DGKB: variants seen among roughly 807,000 people sequenced by gnomAD.
DGKB encodes the protein 90 kDa diacylglycerol kinase.
Under a neutral mutation model 114.3 loss-of-function variants are expected in DGKB, and 67 were observed. The observed-to-expected ratio is 0.59, with a 90% CI of 0.48 to 0.72. DGKB has a LOEUF of 0.72. DGKB is among the 30% of genes least tolerant of loss of function. The pLI, the probability that DGKB is intolerant of heterozygous loss-of-function variation, is 0.00. For synonymous variants in DGKB, 398 were observed against 323.1 expected (o/e 1.23, Z -2.49); for missense variants, 907 against 975.2 (o/e 0.93, Z 0.93).
intron 20 of DGKB, among the ~76,000 whole-genome samples, chr7:14,548,892 C>A (rs530024971): frequency 2.0e-5 from 3 of 151,212 alleles, no homozygotes; most frequent in East Asian, 3.9e-4. Context: ...ATTTCTTGGT[C>A]AGTAGTGGGG....
chr7:14,652,712 C>A (rs1384737527), intron 13 of DGKB, among the ~76,000 whole-genome samples: 3 of 150,252 alleles, frequency 2.0e-5, no homozygotes, highest in Non-Finnish European at 3.0e-5. Context: ...AGTGAACAGG[C>A]AACCTACAGA....
At position 14,611,973 on chromosome 7, in the gene DGKB, T is replaced by G. The variant is rs113819865; in HGVS notation, c.1358+1367A>C. 2.0e-5 allele frequency among the ~76,000 whole-genome samples: 3 copies of G among 151,806 alleles called. No homozygotes were observed. The South Asian group carries it at 6.2e-4, about 31-fold the overall frequency. On this transcript the variant is annotated intron_variant, in intron 16 of 25. Transcript: ENST00000402815. Reference sequence around the variant, plus strand: ...ACATATACAGCTAACTGACTGTAAATAGTAAAGAAGAAAGTAATTTCAGCA... The same window carrying G: ...ACATATACAGCTAACTGACTGTAAAGAGTAAAGAAGAAAGTAATTTCAGCA...
chr7:14,730,049 C>T lies in DGKB; in HGVS notation c.322+5992G>A, dbSNP rs534191754. Among the ~76,000 whole-genome samples the T allele has an allele frequency of 2.6e-5, 4 of 152,294 alleles. No homozygotes were observed. In the South Asian group the frequency reaches 6.2e-4, roughly 24 times the overall value. On this transcript the variant is annotated intron_variant, in intron 5 of 25. Transcript: ENST00000402815. ...ACGCTGACCTGCAACAAGTACCAGA[C>T]ATTTTCTATTACAGATGCAACATTT...
At chr7:14,548,380 C>A (rs1794625596) in intron 20 of DGKB, among the ~76,000 whole-genome samples, 1 of 152,168 alleles carries the variant, frequency 6.6e-6, no homozygotes, top group South Asian at 2.1e-4. Context: ...CGGAGTGCCC[C>A]AAATGAGTGG....
At chr7:14,377,121 G>A (rs1183858397) in intron 21 of DGKB, among the ~76,000 whole-genome samples, 2 of 152,168 alleles carry the variant, frequency 1.3e-5, no homozygotes, top group Non-Finnish European at 1.5e-5. Context: ...ATTTGAGACC[G>A]TTTTGTGTCA....
At chr7:14,944,864 A>G (rs374877926) in intron 1 of DGKB, among the ~76,000 whole-genome samples, 19 of 152,008 alleles carry the variant, frequency 1.2e-4, no homozygotes, top group East Asian at 5.8e-4. Context: ...ATATACCATA[A>G]GTATATCATA....
At chr7:14,626,989 T>G (rs970850654) in intron 14 of DGKB, among the ~76,000 whole-genome samples, 2 of 152,176 alleles carry the variant, frequency 1.3e-5, no homozygotes, top group Admixed American at 1.3e-4. Flanking sequence ...TTATTTTAAC[T>G]ATAAATTGGA....
intron 2 of DGKB, among the ~76,000 whole-genome samples, chr7:14,804,089 G>T (rs1237518508): frequency 6.6e-6 from 1 of 151,720 alleles, no homozygotes; most frequent in Non-Finnish European, 1.5e-5. Flanking sequence ...GTGTGTGTGT[G>T]TGTGTGTGTT....
At chr7:14,587,384 AG>A (rs1170147401) in intron 17 of DGKB, among the ~76,000 whole-genome samples, 1 of 152,124 alleles carries the variant, frequency 6.6e-6, no homozygotes, top group African/African-American at 2.4e-5. Flanking sequence ...TGACTTTTAG[AG>A]ATAAGCAAAA....
chr7:14,875,266 G>GC (rs1365306770), intron 1 of DGKB, among the ~76,000 whole-genome samples: 1 of 152,022 alleles, frequency 6.6e-6, no homozygotes, highest in Admixed American at 6.6e-5. Context: ...ATATTTATTT[G>GC]CCACCTGGCT....
intron 1 of DGKB, among the ~76,000 whole-genome samples, chr7:14,857,426 C>T (rs1562736536): frequency 6.6e-6 from 1 of 151,956 alleles, no homozygotes; most frequent in African/African-American, 2.4e-5. Flanking sequence ...CGATTTCAAC[C>T]TTGTGAGACG....
intron 1 of DGKB, among the ~76,000 whole-genome samples, chr7:14,915,832 T>C (rs913671251): frequency 3.3e-5 from 5 of 152,162 alleles, no homozygotes; most frequent in African/African-American, 1.2e-4. Context: ...GCAGGAAATG[T>C]TAAAACAAGT....
intron 25 of DGKB, among the ~76,000 whole-genome samples, chr7:14,175,105 T>C (rs191777121): frequency 3.3e-5 from 5 of 152,364 alleles, no homozygotes; most frequent in African/African-American, 4.8e-5. Context: ...TAAGGTTGTT[T>C]ACAGTAGTGG....
intron 21 of DGKB, among the ~76,000 whole-genome samples, chr7:14,360,814 T>C (rs1241660253): frequency 6.6e-6 from 1 of 152,124 alleles, no homozygotes; most frequent in African/African-American, 2.4e-5. Context: ...GGAGTATACA[T>C]ATATTTTGGA....
At chr7:14,564,859 T>G (rs1480011771) in intron 20 of DGKB, among the ~76,000 whole-genome samples, 3 of 152,178 alleles carry the variant, frequency 2.0e-5, no homozygotes, top group Non-Finnish European at 4.4e-5. Flanking sequence ...CTTCTTCTAG[T>G]AGACTCTAGG....
chr7:14,861,653 CTA>C (rs1562749262), intron 1 of DGKB, among the ~76,000 whole-genome samples: 1 of 151,898 alleles, frequency 6.6e-6, no homozygotes, highest in Non-Finnish European at 1.5e-5. Flanking sequence ...TTATGATTAT[CTA>C]TATAGTTTTA....
chr7:14,783,639 A>T (rs1258475733), intron 2 of DGKB, among the ~76,000 whole-genome samples: 1 of 152,228 alleles, frequency 6.6e-6, no homozygotes, highest in Non-Finnish European at 1.5e-5. Context: ...ATTATTATTG[A>T]CATTGACAAG....
At chr7:14,837,682 T>C (rs547840538) in intron 2 of DGKB, among the ~76,000 whole-genome samples, 3 of 152,296 alleles carry the variant, frequency 2.0e-5, no homozygotes, top group African/African-American at 7.2e-5. Context: ...CAATACTGCA[T>C]TGCAACATGA....
At chr7:14,167,612 C>A (rs1023457727) in intron 25 of DGKB, among the ~76,000 whole-genome samples, 1 of 152,230 alleles carries the variant, frequency 6.6e-6, no homozygotes, top group Non-Finnish European at 1.5e-5. Flanking sequence ...TTGACCTTAA[C>A]AAACATACTG....
Sources: allele counts gnomAD v4.1 joint callset (sites outside exome capture counted in the v4.1 genomes callset), GRCh38; gene constraint gnomAD v4.1.1; transcripts MANE v1.5; gene names NCBI Gene and HGNC (gene_info 2026-07-23, HGNC 2026-07-21).